Variants in FRMD6 observed in about 807,000 individuals in gnomAD.
The protein encoded by FRMD6 is FERM domain containing 6.
In FRMD6, 37 loss-of-function variants were observed where a neutral mutation model predicts 73.2. The observed-to-expected ratio is 0.51, with a 90% CI of 0.39 to 0.66. FRMD6 has a LOEUF of 0.66. Ranked by LOEUF, FRMD6 falls within the 30% of genes least tolerant of loss-of-function variation. The probability of loss-of-function intolerance (pLI) is 0.00; values close to 1 mark genes in which losing one functional copy is unlikely to be tolerated. For synonymous variants in FRMD6, 273 were observed against 282.2 expected, an observed-to-expected ratio of 0.97 and a Z score of 0.33; for missense variants, 714 against 780.5, an observed-to-expected ratio of 0.91 and a Z score of 1.02.
At chr14:51,566,541 A>C (rs1287271384) in intron 1 of FRMD6, among the ~76,000 whole-genome samples, 1 of 152,216 alleles carries the variant, frequency 6.6e-6, no homozygotes, top group Non-Finnish European at 1.5e-5. Flanking sequence ...TTTCCCACGT[A>C]ATATTTGTTT....
rs35356416 is a variant in FRMD6 at position 51,549,595 on chromosome 14, C to CTTTTT, written c.-209-20737_-209-20733dup. Among the ~76,000 whole-genome samples, 612 of 97,978 alleles carry CTTTTT rather than the reference C, an allele frequency of 6.2e-3. 3 individuals are homozygous for CTTTTT. The highest frequency in any genetic ancestry group is 6.5e-3 in the Non-Finnish European group (346 of 53,366). 64.3% of individuals were successfully genotyped at this position (97,978 alleles called of 152,430 possible). On this transcript the variant is annotated intron_variant, in intron 1 of 14. Coordinates refer to the FRMD6 transcript ENST00000356218. The stretch of plus-strand genomic sequence containing the variant: ...TGGAGTATAAACTTTTTTTTTCTTT[C>CTTTTT]TTTTTTTTTTTTTTTTTTTTGAGAC...
intron 2 of FRMD6, among the ~76,000 whole-genome samples, chr14:51,607,500 G>A (rs1249716056): frequency 2.0e-5 from 3 of 152,096 alleles, no homozygotes; most frequent in Non-Finnish European, 4.4e-5. Context: ...AAATTTACTT[G>A]ACCATTTTTC....
intron 1 of FRMD6, among the ~76,000 whole-genome samples, chr14:51,507,182 C>A (rs1199255216): frequency 6.6e-6 from 1 of 151,140 alleles, no homozygotes; most frequent in Non-Finnish European, 1.5e-5. Context: ...GGGAAAGCAG[C>A]CTTAGCTACG....
At chr14:51,620,727 G>T (rs1369415824) in intron 2 of FRMD6, among the ~76,000 whole-genome samples, 1 of 152,182 alleles carries the variant, frequency 6.6e-6, no homozygotes, top group Non-Finnish European at 1.5e-5. Context: ...GCAGGACCTG[G>T]TAAGACATGA....
the FRMD6 span, among the ~76,000 whole-genome samples, chr14:51,402,616 T>A: frequency 6.6e-6 from 1 of 151,060 alleles, no homozygotes; most frequent in Non-Finnish European, 1.5e-5. Context: ...AATTGCCCAG[T>A]CTTGGGTATA....
intron 3 of FRMD6, 134 bp from the exon 4 acceptor site, chr14:51,700,922 T>C (rs1177694189): frequency 2.2e-6 from 1 of 445,710 alleles, no homozygotes; most frequent in African/African-American, 2.1e-5. Context: ...AGTATCTCTT[T>C]GGGTTTTCTA....
intron 1 of FRMD6, among the ~76,000 whole-genome samples, chr14:51,495,553 C>G (rs1328819853): frequency 6.6e-6 from 1 of 152,218 alleles, no homozygotes; most frequent in African/African-American, 2.4e-5. Flanking sequence ...TCCCGACAGT[C>G]CTAGGCTGCC....
At chr14:51,632,656 C>T (rs1411068628) in intron 2 of FRMD6, among the ~76,000 whole-genome samples, 2 of 152,114 alleles carry the variant, frequency 1.3e-5, no homozygotes, top group African/African-American at 4.8e-5. Flanking sequence ...TCTAAGATCT[C>T]CAAAAAGAAT....
chr14:51,561,329 A>T (rs1282250696), intron 1 of FRMD6, among the ~76,000 whole-genome samples: 3 of 152,152 alleles, frequency 2.0e-5, no homozygotes, highest in Non-Finnish European at 4.4e-5. Context: ...ATTTTTAATC[A>T]CTGAGGGCTA....
the FRMD6 span, among the ~76,000 whole-genome samples, chr14:51,429,038 A>AGAGGGAGGGAGAGAGAGGGGGGAG: frequency 7.5e-6 from 1 of 133,270 alleles, no homozygotes; most frequent in Non-Finnish European, 1.7e-5. Context: ...GAGGGGAGAG[A>AGAGGGAGGGAGAGAGAGGGGGGAG]AAAGAAAAGG....
the FRMD6 span, among the ~76,000 whole-genome samples, chr14:51,441,269 C>T: frequency 1.1e-4 from 16 of 152,322 alleles, no homozygotes; most frequent in South Asian, 8.3e-4. Flanking sequence ...GGGAGGCTTT[C>T]GGGCCCTGCC....
chr14:51,630,598 G>T (rs1179292112), intron 2 of FRMD6, among the ~76,000 whole-genome samples: 1 of 152,034 alleles, frequency 6.6e-6, no homozygotes, highest in Admixed American at 6.6e-5. Flanking sequence ...AATAAAAAAA[G>T]TAGCCAGGCA....
chr14:51,667,282 C>A (rs35883366), intron 1 of FRMD6, among the ~76,000 whole-genome samples: 15,412 of 152,020 alleles, frequency 0.1, 1,045 homozygotes, highest in Non-Finnish European at 0.15. Context: ...ACTTAGTAAT[C>A]CCCCAACAGT....
chr14:51,686,167 A>G (rs1274330251), intron 1 of FRMD6, among the ~76,000 whole-genome samples: 13 of 152,268 alleles, frequency 8.5e-5, no homozygotes, highest in Middle Eastern at 3.4e-3. Flanking sequence ...TTAAAATTAA[A>G]AAAATACTTA....
intron 9 of FRMD6, 173 bp from the exon 10 acceptor site, chr14:51,715,152 C>T (rs1211130199): frequency 3.7e-6 from 2 of 537,076 alleles, no homozygotes; most frequent in Non-Finnish European, 6.2e-6. Flanking sequence ...TGGTCATCCC[C>T]TGTCCTGTGA....
At chr14:51,483,246 G>C in the FRMD6 span, among the ~76,000 whole-genome samples, 119,378 of 152,196 alleles carry the variant, frequency 0.78, 46,927 homozygotes, top group South Asian at 0.88. Context: ...TTTCTGAAAA[G>C]CGGAGATGCA....
At chr14:51,637,828 T>A (rs542225950) in intron 2 of FRMD6, 3 of 152,314 alleles carry the variant, frequency 2.0e-5, no homozygotes, top group Admixed American at 2.0e-4. Flanking sequence ...ATGACTGTGA[T>A]CCATAAATCC....
intron 1 of FRMD6, among the ~76,000 whole-genome samples, chr14:51,545,411 C>G (rs748966855): frequency 6.6e-6 from 1 of 152,118 alleles, no homozygotes; most frequent in Middle Eastern, 3.4e-3. Context: ...ATCTGTCTTC[C>G]GATTTAGTTT....
chr14:51,540,314 G>C (rs973942309), intron 1 of FRMD6, among the ~76,000 whole-genome samples: 2 of 152,088 alleles, frequency 1.3e-5, no homozygotes, highest in Non-Finnish European at 2.9e-5. Flanking sequence ...GAAAATGTTT[G>C]CATACAGAGA....
Sources: allele counts gnomAD v4.1 joint callset (sites outside exome capture counted in the v4.1 genomes callset), GRCh38; gene constraint gnomAD v4.1.1; transcripts MANE v1.5; gene names NCBI Gene and HGNC (gene_info 2026-07-23, HGNC 2026-07-21).